PSME4: variants seen among roughly 807,000 people sequenced by gnomAD.
PSME4 encodes the protein proteasome activator subunit 4.
PSME4 carries 89 observed loss-of-function variants against 253.9 expected under a neutral mutation model. That is an observed-to-expected ratio of 0.35 (90% CI 0.30 to 0.42). The LOEUF is 0.42. Ranked by LOEUF, PSME4 falls within the 10% of genes least tolerant of loss-of-function variation. The probability of loss-of-function intolerance (pLI) is 1.00; values close to 1 mark genes in which losing one functional copy is unlikely to be tolerated. For synonymous variants in PSME4, 851 were observed against 759.2 expected, an observed-to-expected ratio of 1.12 and a Z score of -1.99; for missense variants, 2,014 against 2,195.2, an observed-to-expected ratio of 0.92 and a Z score of 1.65.
chr2:53,900,017 T>C lies in PSME4; in HGVS notation c.3286A>G (p.Ile1096Val), dbSNP rs572694076. ...QYETIGLDFTIPKSCVEIAEL... is the reference protein window; with the variant it reads ...QYETIGLDFTVPKSCVEIAEL... ...GCTATTTCAACACATGACTTTGGAA[T>C]CTTGTTAAAAAGAAAAAAGCAGGAA... Residue 1096 changes from isoleucine (I) to valine (V), a missense_variant and splice_region_variant, in exon 29 of 47, where the codon ATT becomes GTT. Physicochemically the swap from Ile to Val is conservative, Grantham distance 29. Transcript: ENST00000404125. 1.9e-6 allele frequency: 3 copies of C among 1,609,584 alleles called. No homozygotes were observed. In the South Asian group the frequency reaches 3.3e-5, roughly 18 times the overall value.
chr2:53,951,424 T>C (rs1669989986), intron 1 of PSME4, among the ~76,000 whole-genome samples: 1 of 152,228 alleles, frequency 6.6e-6, no homozygotes, highest in Non-Finnish European at 1.5e-5. Flanking sequence ...ACTGCTTTTT[T>C]ATCTTCCAGA....
chr2:53,925,677 A>C lies in PSME4; in HGVS notation c.1671T>G (p.Leu557=), dbSNP rs749549944. The part of the protein sequence containing the change: ...VLQFMDRCFG[L]IESSTLEQTR... ...TTTGCTCCAATGTGCTACTTTCTAT[A>C]AGTCCAAAACATCTAAATAATCCAA... The change falls in exon 14 of 47, where the codon CTT becomes CTG. Residue 557 remains leucine (L), a synonymous_variant. Transcript: ENST00000404125. 2 of 1,604,648 alleles carry C rather than the reference A, an allele frequency of 1.2e-6. No homozygotes were observed. The highest frequency in any genetic ancestry group is 1.7e-6 in the Non-Finnish European group (2 of 1,172,536).
intron 7 of PSME4, 115 bp downstream of exon 7, chr2:53,935,972 C>T: frequency 7.2e-7 from 1 of 1,395,200 alleles, no homozygotes; most frequent in Non-Finnish European, 9.4e-7. Flanking sequence ...TGGCTCACTG[C>T]AACCTCAGCC....
chr2:53,910,521 C>A (rs903507750), intron 20 of PSME4, among the ~76,000 whole-genome samples: 3 of 152,200 alleles, frequency 2.0e-5, no homozygotes, highest in African/African-American at 7.2e-5. Flanking sequence ...ATAATCATTA[C>A]CTTCCTCTTA....
At chr2:53,873,694 A>G (rs1678998665) in intron 43 of PSME4, among the ~76,000 whole-genome samples, 1 of 152,258 alleles carries the variant, frequency 6.6e-6, no homozygotes, top group Non-Finnish European at 1.5e-5. Context: ...ACTGGATAGC[A>G]GCGCCTATGT....
In PSME4 at chr2:53,899,913, T is replaced by A; in HGVS notation, c.3390A>T (p.Lys1130Asn). 1 of 1,613,764 alleles carries A rather than the reference T, an allele frequency of 6.2e-7. No individual in the cohort carries two copies. Among genetic ancestry groups the A allele is most frequent in the Non-Finnish European group, 8.5e-7 (1 of 1,179,680 alleles). ...CATCGGCATTCTTTTCCTGTTGGCG[T>A]TTAATTCCTTCCTTAATTTTTTCTG... ...LSPEKIKEGI[K>N]RQQEKNADAL... Residue 1130 changes from lysine to asparagine, a missense_variant, in exon 29 of 47, where the codon AAA (lysine) becomes AAT (asparagine). Physicochemically the swap from Lys to Asn is moderately conservative, Grantham distance 94. Transcript: ENST00000404125.
chr2:53,879,560 G>A (rs183854575), intron 41 of PSME4, among the ~76,000 whole-genome samples: 1 of 152,246 alleles, frequency 6.6e-6, no homozygotes, highest in East Asian at 1.9e-4. Context: ...GTTTTCACAT[G>A]AGAGGTAAAA....
intron 36 of PSME4, among the ~76,000 whole-genome samples, chr2:53,892,453 G>A (rs1397228274): frequency 6.6e-6 from 1 of 152,160 alleles, no homozygotes; most frequent in East Asian, 1.9e-4. Context: ...AAGCTGGAAT[G>A]GCTTAATGAA....
At chr2:53,882,834 C>G (rs1303683970) in intron 41 of PSME4, among the ~76,000 whole-genome samples, 1 of 151,666 alleles carries the variant, frequency 6.6e-6, no homozygotes, top group Non-Finnish European at 1.5e-5. Context: ...AAAAGGGAAG[C>G]TGCAGAGCTA....
At position 53,946,438 on chromosome 2, in the gene PSME4, G is replaced by C. The variant is rs184771121; in HGVS notation, c.500+1983C>G. Among the ~76,000 whole-genome samples, 259 of 152,294 alleles carry C rather than the reference G, an allele frequency of 1.7e-3. 1 individual carries two copies. The highest frequency in any genetic ancestry group is 3.5e-3 in the South Asian group (17 of 4,822). ...TGTCTATGGCCATACCACCCTGAAT[G>C]TGCCCAATCTCATCTGAAATGGTGA... On this transcript the variant is annotated intron_variant, in intron 3 of 46. Transcript: ENST00000404125.
chr2:53,963,038 T>C (rs1165857783), intron 1 of PSME4, among the ~76,000 whole-genome samples: 1 of 147,662 alleles, frequency 6.8e-6, no homozygotes, highest in Non-Finnish European at 1.5e-5. Context: ...ACACATACCA[T>C]ATGCAGTGGC....
intron 10 of PSME4, among the ~76,000 whole-genome samples, chr2:53,930,839 G>C (rs1474308143): frequency 6.6e-6 from 1 of 151,998 alleles, no homozygotes; most frequent in African/African-American, 2.4e-5. Context: ...GATCCTTCTG[G>C]GTTCTAAAAA....
At chr2:53,905,111 C>T (rs1160948716) in intron 26 of PSME4, among the ~76,000 whole-genome samples, 1 of 150,950 alleles carries the variant, frequency 6.6e-6, no homozygotes, top group Admixed American at 6.6e-5. Context: ...CTCACTGCAA[C>T]CTCCGCCTCC....
At chr2:53,903,836 G>A (rs908391323) in intron 27 of PSME4, among the ~76,000 whole-genome samples, 189 bp downstream of exon 27, 6 of 151,406 alleles carry the variant, frequency 4.0e-5, no homozygotes, top group Admixed American at 1.3e-4. Context: ...AAGGTGAATC[G>A]TGCTGATATC....
chr2:53,898,468 C>T lies in PSME4; in HGVS notation c.3423-114G>A, dbSNP rs140714573. The T allele has an allele frequency of 4.3e-4, 334 of 770,472 alleles. 1 individual carries two copies. The African/African-American group carries it at 5.2e-3, about 12-fold the overall frequency. The allele number at this position is 770,472 out of a possible 1,614,324, so 47.7% of individuals were successfully genotyped here. ...CCCTCCTTCCCCACTTACTTCCCAC[C>T]ACCTGACTGTAAACGGCCTGATGAG... is the stretch of plus-strand genomic sequence containing the variant. On this transcript the variant is annotated intron_variant, in intron 29 of 46. Transcript: ENST00000404125.
At chr2:53,936,312 C>A in intron 6 of PSME4, 151 bp from the exon 7 acceptor site, 2 of 1,228,836 alleles carry the variant, frequency 1.6e-6, no homozygotes, top group Non-Finnish European at 2.1e-6. Context: ...TTAAAACCTC[C>A]AAATTTAAAT....
At chr2:53,957,067 TA>T (rs962214703) in intron 1 of PSME4, among the ~76,000 whole-genome samples, 23 of 152,234 alleles carry the variant, frequency 1.5e-4, no homozygotes, top group African/African-American at 5.3e-4. Flanking sequence ...GTCATTAACT[TA>T]AAAACTGGTA....
At chr2:53,871,506 G>A (rs975414670) in intron 43 of PSME4, among the ~76,000 whole-genome samples, 4 of 151,564 alleles carry the variant, frequency 2.6e-5, no homozygotes, top group Non-Finnish European at 5.9e-5. Context: ...CGCCCACCTC[G>A]GCCTCCCAAA....
Position 53,908,417 on chromosome 2 carries a change from A to T in PSME4, c.2687T>A (p.Ile896Asn). The change falls in exon 24 of 47, where the codon ATT becomes AAT. Residue 896 changes from isoleucine to asparagine, a missense_variant and splice_region_variant. Physicochemically the swap from Ile to Asn is moderately radical, Grantham distance 149. This residue lies in a region of PSME4 where 989 missense variants were observed against 1,021.1 expected (regional missense o/e 0.97). Transcript: ENST00000404125. ...TTGGAATTGTAAAAGGTCTCCAATA[A>T]TCTGTGTCAAAGAATTTCAAATTGT... The part of the protein sequence containing the change: ...DTKSLFLIIK[I>N]IGDLLQFQGS... 6.2e-7 allele frequency: 1 copy of T among 1,613,050 alleles called. No individual in the cohort carries two copies. The highest frequency in any genetic ancestry group is 8.5e-7 in the Non-Finnish European group (1 of 1,179,450).
Sources: allele counts gnomAD v4.1 joint callset (sites outside exome capture counted in the v4.1 genomes callset), GRCh38; gene constraint gnomAD v4.1.1; regional missense constraint gnomAD v4.1.1; transcripts MANE v1.5; gene names NCBI Gene and HGNC (gene_info 2026-07-23, HGNC 2026-07-21).